Variants in TAOK1 observed in about 807,000 individuals in gnomAD.
The protein encoded by TAOK1 is serine/threonine-protein kinase TAO1.
TAOK1 carries 21 observed loss-of-function variants against 138.3 expected under a neutral mutation model. That is an observed-to-expected ratio of 0.15 (90% CI 0.11 to 0.22). The LOEUF (loss-of-function observed/expected upper bound fraction) is 0.22, where lower values mean the gene tolerates loss of function less well. Ranked by LOEUF, TAOK1 falls within the 10% of genes least tolerant of loss-of-function variation. The pLI, the probability that TAOK1 is intolerant of heterozygous loss-of-function variation, is 1.00. For synonymous variants in TAOK1, 361 were observed against 398.4 expected, an observed-to-expected ratio of 0.91 and a Z score of 1.12; for missense variants, 651 against 1,227.7, an observed-to-expected ratio of 0.53 and a Z score of 7.02.
intron 1 of TAOK1, among the ~76,000 whole-genome samples, chr17:29,416,820 A>G (rs1252986673): frequency 6.6e-6 from 1 of 152,088 alleles, no homozygotes; most frequent in East Asian, 1.9e-4. Context: ...GGGCAGGGTT[A>G]TCTTTTATTC....
chr17:29,519,151 A>G (rs2150765814), intron 16 of TAOK1, among the ~76,000 whole-genome samples: 1 of 152,234 alleles, frequency 6.6e-6, no homozygotes, highest in Non-Finnish European at 1.5e-5. Context: ...CTGCCCTTAA[A>G]TACATTTTTA....
At chr17:29,533,133 C>G (rs572750631) in intron 18 of TAOK1, among the ~76,000 whole-genome samples, 5 of 150,532 alleles carry the variant, frequency 3.3e-5, no homozygotes, top group African/African-American at 9.7e-5. Context: ...GGGCGGTTGC[C>G]GGGCAGAGAC....
intron 11 of TAOK1, 145 bp downstream of exon 11, chr17:29,495,872 G>A: frequency 1.3e-5 from 9 of 697,266 alleles, no homozygotes; most frequent in Admixed American, 7.6e-5. Context: ...ATCCCAGTTA[G>A]GAATAAAAAA....
At chr17:29,469,984 A>G (rs2153025948) in intron 3 of TAOK1, among the ~76,000 whole-genome samples, 1 of 152,342 alleles carries the variant, frequency 6.6e-6, no homozygotes, top group African/African-American at 2.4e-5. Context: ...CATAGGAGGT[A>G]TATGATCTTA....
intron 1 of TAOK1, among the ~76,000 whole-genome samples, chr17:29,444,771 A>G: frequency 6.6e-6 from 1 of 152,192 alleles, no homozygotes; most frequent in Admixed American, 6.5e-5. Flanking sequence ...GAATTACCTC[A>G]TAACAATATT....
intron 1 of TAOK1, among the ~76,000 whole-genome samples, chr17:29,405,580 A>T (rs1240108659): frequency 6.6e-6 from 1 of 151,658 alleles, no homozygotes; most frequent in Non-Finnish European, 1.5e-5. Flanking sequence ...GGAGTTTGAG[A>T]CCAGCCTGGC....
chr17:29,465,837 C>CT (rs3058623), intron 2 of TAOK1, among the ~76,000 whole-genome samples: 4,888 of 44,864 alleles, frequency 0.11, 1,516 homozygotes, highest in Non-Finnish European at 0.14. Context: ...AGTTTCTGTG[C>CT]TTTTTTTTTT....
At chr17:29,485,736 A>G (rs1288331832) in intron 8 of TAOK1, among the ~76,000 whole-genome samples, 2 of 152,256 alleles carry the variant, frequency 1.3e-5, no homozygotes, top group African/African-American at 4.8e-5. Context: ...TAAAATTTGA[A>G]CCCATTTATC....
At chr17:29,492,698 A>G (rs866441944) in intron 10 of TAOK1, among the ~76,000 whole-genome samples, 12 of 152,166 alleles carry the variant, frequency 7.9e-5, no homozygotes, top group African/African-American at 2.9e-4. Flanking sequence ...AGGCTGAGGC[A>G]GGAGAATCGC....
intron 7 of TAOK1, among the ~76,000 whole-genome samples, chr17:29,481,146 A>G (rs972255725): frequency 5.3e-5 from 8 of 152,008 alleles, no homozygotes; most frequent in Non-Finnish European, 8.8e-5. Context: ...AAAACAACGG[A>G]CAATACTTGT....
intron 16 of TAOK1, among the ~76,000 whole-genome samples, chr17:29,518,101 C>T (rs1855383527): frequency 6.6e-6 from 1 of 152,184 alleles, no homozygotes; most frequent in Admixed American, 6.5e-5. Flanking sequence ...TGCGGTCTGC[C>T]CGTCTCAGCC....
Position 29,475,736 on chromosome 17 carries a change from T to C in TAOK1, c.271T>C (p.Tyr91His), listed in dbSNP as rs1191031462. 6.2e-6 allele frequency: 10 copies of C among 1,612,964 alleles called. No homozygotes were observed. The highest frequency in any genetic ancestry group is 7.6e-6 in the Non-Finnish European group (9 of 1,179,532). ...QRIKHPNSIEYKGCYLREHTA... is the reference protein window; with the variant it reads ...QRIKHPNSIEHKGCYLREHTA... ...AATAAAACATCCCAACAGTATAGAA[T>C]ACAAAGGCTGTTATTTACGTGAACA... The change falls in exon 4 of 20, where the codon TAC becomes CAC. Residue 91 changes from tyrosine (Y) to histidine (H), a missense_variant. Physicochemically the swap from Tyr to His is moderately conservative, Grantham distance 83. Around this residue, in one of 8 missense-constraint regions of TAOK1, gnomAD observed 116 missense variants for 213.9 expected, o/e 0.54. Transcript: ENST00000261716.
intron 13 of TAOK1, among the ~76,000 whole-genome samples, chr17:29,505,904 C>T (rs1187946574): frequency 6.6e-6 from 1 of 152,116 alleles, no homozygotes; most frequent in Non-Finnish European, 1.5e-5. Context: ...CACTGTACTC[C>T]AGCGTGGGCA....
Position 29,547,373 on chromosome 17 carries a change from C to T in TAOK1, c.*4351C>T, listed in dbSNP as rs2150781982. 6.6e-6 allele frequency: 1 copy of T among 152,192 alleles called. No homozygotes were observed. The highest frequency in any genetic ancestry group is 2.4e-5 in the African/African-American group (1 of 41,550). The allele number at this position is 152,192 out of a possible 1,614,324, so 9.4% of individuals were successfully genotyped here. On this transcript the variant is annotated 3_prime_UTR_variant, in exon 20 of 20. Transcript: ENST00000261716. Reference sequence around the variant, plus strand: ...TGGTATTGGGTGAGGGGCTTTCTCCCTTTACCTGCCTCTTCTTGCTTGCTA... The same window carrying T: ...TGGTATTGGGTGAGGGGCTTTCTCCTTTTACCTGCCTCTTCTTGCTTGCTA...
At chr17:29,412,406 T>A (rs989839837) in intron 1 of TAOK1, among the ~76,000 whole-genome samples, 12 of 152,152 alleles carry the variant, frequency 7.9e-5, no homozygotes, top group Non-Finnish European at 1.3e-4. Context: ...TCTCTTTTAG[T>A]GCCCTTTTGG....
chr17:29,486,422 CAG>C (rs1476215358), intron 8 of TAOK1, among the ~76,000 whole-genome samples: 2 of 152,172 alleles, frequency 1.3e-5, no homozygotes, highest in South Asian at 4.1e-4. Flanking sequence ...CACTTGAGGT[CAG>C]GAGTTTTAGA....
chr17:29,504,992 C>G (rs1422639060), intron 13 of TAOK1, among the ~76,000 whole-genome samples: 1 of 152,114 alleles, frequency 6.6e-6, no homozygotes, highest in Admixed American at 6.5e-5. Context: ...TTAAATGTTT[C>G]CCAAGAAAGT....
At chr17:29,442,167 T>TC (rs987818098) in intron 1 of TAOK1, among the ~76,000 whole-genome samples, 2 of 151,800 alleles carry the variant, frequency 1.3e-5, no homozygotes, top group African/African-American at 4.8e-5. Flanking sequence ...CTCAACCTCC[T>TC]CCCAAGTAGC....
At chr17:29,511,216 T>A (rs1598515022) in intron 15 of TAOK1, 1 of 259,674 alleles carries the variant, frequency 3.9e-6, no homozygotes, top group East Asian at 7.3e-5. Context: ...ATACTTTTTT[T>A]ATGTTTTTAT....
Sources: allele counts gnomAD v4.1 joint callset (sites outside exome capture counted in the v4.1 genomes callset), GRCh38; gene constraint gnomAD v4.1.1; regional missense constraint gnomAD v4.1.1; transcripts MANE v1.5; gene names NCBI Gene and HGNC (gene_info 2026-07-23, HGNC 2026-07-21).